The following GPR158 variants were observed in gnomAD, a reference collection of about 807,000 sequenced individuals.
GPR158 encodes the protein G protein-coupled receptor 158, also known as metabotropic glycine receptor.
Under a neutral mutation model 78.2 loss-of-function variants are expected in GPR158, and 30 were observed. The observed-to-expected ratio is 0.38, with a 90% CI of 0.29 to 0.52. The LOEUF (loss-of-function observed/expected upper bound fraction) is 0.52, where lower values mean the gene tolerates loss of function less well. Ranked by LOEUF, GPR158 falls within the 20% of genes least tolerant of loss-of-function variation. The pLI, the probability that GPR158 is intolerant of heterozygous loss-of-function variation, is 0.83. For missense variants in GPR158, 1,463 were observed against 1,523.5 expected (o/e 0.96, Z 0.66); for synonymous variants, 581 against 591.1 (o/e 0.98, Z 0.25).
At chr10:25,597,611 C>T (rs1270878278) in intron 10 of GPR158, among the ~76,000 whole-genome samples, 161 bp from the exon 11 acceptor site, 1 of 152,130 alleles carries the variant, frequency 6.6e-6, no homozygotes, top group Non-Finnish European at 1.5e-5. Context: ...TCAGAAAGTA[C>T]AAATGGTGAG....
intron 4 of GPR158, among the ~76,000 whole-genome samples, chr10:25,442,198 G>A (rs1050645381): frequency 6.8e-6 from 1 of 146,678 alleles, no homozygotes. Flanking sequence ...GAACAGAAAG[G>A]AGTTTTAAGG....
chr10:25,590,245 A>G (rs1024065414), intron 8 of GPR158, among the ~76,000 whole-genome samples: 2 of 152,166 alleles, frequency 1.3e-5, no homozygotes, highest in South Asian at 2.1e-4. Flanking sequence ...TTAAATAAGA[A>G]GAGGAGGTAT....
intron 5 of GPR158, among the ~76,000 whole-genome samples, chr10:25,503,205 C>CAAA (rs5783937): frequency 7.2e-6 from 1 of 138,386 alleles, no homozygotes; most frequent in African/African-American, 2.6e-5. Flanking sequence ...GACCTCATTG[C>CAAA]AAAAAAAAAA....
At chr10:25,429,848 A>T (rs1834875200) in intron 4 of GPR158, among the ~76,000 whole-genome samples, 1 of 142,500 alleles carries the variant, frequency 7.0e-6, no homozygotes, top group Admixed American at 7.1e-5. Flanking sequence ...TTAGGTATTG[A>T]TGGGACGTAT....
chr10:25,418,167 CAT>C (rs1409934886), intron 4 of GPR158, among the ~76,000 whole-genome samples: 3 of 152,084 alleles, frequency 2.0e-5, no homozygotes, highest in Non-Finnish European at 4.4e-5. Flanking sequence ...AGAGACATAA[CAT>C]AGTATAGATA....
At chr10:25,301,600 G>C (rs1854594638) in intron 2 of GPR158, among the ~76,000 whole-genome samples, 1 of 151,630 alleles carries the variant, frequency 6.6e-6, no homozygotes, top group Non-Finnish European at 1.5e-5. Context: ...TGAAAAAGTA[G>C]AAAGGTATTG....
intron 1 of GPR158, among the ~76,000 whole-genome samples, chr10:25,193,261 G>A (rs1852798035): frequency 1.3e-5 from 2 of 152,074 alleles, no homozygotes; most frequent in South Asian, 4.1e-4. Flanking sequence ...GTGCTATAAG[G>A]AAAAAAATAG....
intron 6 of GPR158, among the ~76,000 whole-genome samples, chr10:25,555,172 T>C (rs1836771857): frequency 6.6e-6 from 1 of 152,162 alleles, no homozygotes; most frequent in South Asian, 2.1e-4. Context: ...TCCAGCTTTG[T>C]TCTTTTGGCT....
At chr10:25,388,365 C>G (rs1409933500) in intron 2 of GPR158, among the ~76,000 whole-genome samples, 1 of 152,162 alleles carries the variant, frequency 6.6e-6, no homozygotes, top group Non-Finnish European at 1.5e-5. Context: ...ACCACACCAC[C>G]CCCACCCTTG....
chr10:25,325,902 A>ATTT lies in GPR158; in HGVS notation c.1009-69997_1009-69995dup, dbSNP rs34026835. On this transcript the variant is annotated intron_variant, in intron 2 of 10. Transcript: ENST00000376351. ...TTTAATACACCTATTGGCCATTTGT[A>ATTT]TTTTTTTTTTTTTTGAGAAATGTCT... Among the ~76,000 whole-genome samples the ATTT allele has an allele frequency of 1.3e-3, 181 of 144,148 alleles. 1 individual carries two copies. Among genetic ancestry groups the ATTT allele is most frequent in the South Asian group, 7.4e-3 (34 of 4,578 alleles). 94.6% of individuals were successfully genotyped at this position (144,148 alleles called of 152,430 possible).
chr10:25,445,099 G>A (rs535900964), intron 4 of GPR158, among the ~76,000 whole-genome samples: 14 of 152,262 alleles, frequency 9.2e-5, no homozygotes, highest in African/African-American at 3.4e-4. Context: ...TGTATGATTT[G>A]ATAAGGTATT....
At chr10:25,463,408 T>C (rs1835382272) in intron 4 of GPR158, among the ~76,000 whole-genome samples, 1 of 124,242 alleles carries the variant, frequency 8.0e-6, no homozygotes, top group Admixed American at 7.5e-5. Context: ...GATGGATGGA[T>C]GGATGGATGG....
At chr10:25,596,537 G>GTATAGATATAGATACCTATATAGA in intron 9 of GPR158, 106 bp from the exon 10 acceptor site, 2 of 715,652 alleles carry the variant, frequency 2.8e-6, no homozygotes, top group South Asian at 3.2e-5. Flanking sequence ...ATAGATCTAG[G>GTATAGATATAGATACCTATATAGA]TATAGATATA....
At chr10:25,268,494 A>G (rs1294624242) in intron 2 of GPR158, among the ~76,000 whole-genome samples, 1 of 152,122 alleles carries the variant, frequency 6.6e-6, no homozygotes. Context: ...ATTTTATTGT[A>G]TATAAATTGT....
At chr10:25,278,379 A>G (rs1420511987) in intron 2 of GPR158, among the ~76,000 whole-genome samples, 2 of 152,182 alleles carry the variant, frequency 1.3e-5, no homozygotes, top group Non-Finnish European at 2.9e-5. Flanking sequence ...CCAGAATGCA[A>G]AATATAGAGG....
intron 2 of GPR158, among the ~76,000 whole-genome samples, chr10:25,387,207 C>A (rs1266297007): frequency 6.6e-6 from 1 of 152,120 alleles, no homozygotes; most frequent in African/African-American, 2.4e-5. Flanking sequence ...GTGTCAGATG[C>A]TTTCTCTGCA....
chr10:25,331,046 C>T lies in GPR158; in HGVS notation c.1009-64865C>T, dbSNP rs767058369. 1.4e-4 allele frequency among the ~76,000 whole-genome samples: 21 copies of T among 152,290 alleles called. No individual in the cohort carries two copies. The South Asian group carries it at 1.7e-3, about 12-fold the overall frequency. On this transcript the variant is annotated intron_variant, in intron 2 of 10. Coordinates refer to ENST00000376351, the MANE Select transcript of GPR158 (RefSeq NM_020752.3). ...CCTACTCCTGGGCTCAAGCAATGCT[C>T]ATGGCTCTGCCTCCTAAGTAGCTGG...
intron 2 of GPR158, among the ~76,000 whole-genome samples, chr10:25,340,146 G>A (rs1855281140): frequency 6.6e-6 from 1 of 152,044 alleles, no homozygotes; most frequent in African/African-American, 2.4e-5. Context: ...ACCTCAGTGA[G>A]GTATTCTTCC....
chr10:25,382,104 T>C (rs577757085), intron 2 of GPR158, among the ~76,000 whole-genome samples: 9 of 152,314 alleles, frequency 5.9e-5, no homozygotes, highest in African/African-American at 2.2e-4. Flanking sequence ...AGATGCATCA[T>C]AGTGAGTTTG....
Sources: allele counts gnomAD v4.1 joint callset (sites outside exome capture counted in the v4.1 genomes callset), GRCh38; gene constraint gnomAD v4.1.1; transcripts MANE v1.5; gene names NCBI Gene and HGNC (gene_info 2026-07-23, HGNC 2026-07-21).